SIPA1L1: variants seen among roughly 807,000 people sequenced by gnomAD.
SIPA1L1 encodes signal induced proliferation associated 1 like 1.
Under a neutral mutation model 162.7 loss-of-function variants are expected in SIPA1L1, and 26 were observed. That is an observed-to-expected ratio of 0.16 (90% confidence interval 0.12 to 0.22). SIPA1L1 has a LOEUF of 0.22. Ranked by LOEUF, SIPA1L1 falls within the 10% of genes least tolerant of loss-of-function variation. The probability of loss-of-function intolerance (pLI) is 1.00; values close to 1 mark genes in which losing one functional copy is unlikely to be tolerated. For missense variants in SIPA1L1, 1,874 were observed against 2,241.0 expected (o/e 0.84, Z 3.31); for synonymous variants, 829 against 837.4 (o/e 0.99, Z 0.17).
At chr14:71,571,541 C>T (rs2032020839) in intron 4 of SIPA1L1, among the ~76,000 whole-genome samples, 2 of 152,096 alleles carry the variant, frequency 1.3e-5, no homozygotes, top group Admixed American at 1.3e-4. Context: ...TGCTCAGTTC[C>T]AACAGTAAAA....
chr14:71,465,062 T>G (rs2046891340), intron 2 of SIPA1L1, among the ~76,000 whole-genome samples: 1 of 152,094 alleles, frequency 6.6e-6, no homozygotes, highest in Admixed American at 6.6e-5. Context: ...TGGGTCCAGG[T>G]GGGGATGTTG....
chr14:71,708,015 G>GTTTTTTTT (rs34838057), intron 16 of SIPA1L1, among the ~76,000 whole-genome samples: 5 of 100,298 alleles, frequency 5.0e-5, no homozygotes, highest in African/African-American at 1.2e-4. Flanking sequence ...GTTTTTTGGT[G>GTTTTTTTT]TTTTTTTTTT....
At chr14:71,502,919 GA>G (rs893549725) in intron 2 of SIPA1L1, among the ~76,000 whole-genome samples, 3 of 152,114 alleles carry the variant, frequency 2.0e-5, no homozygotes, top group Non-Finnish European at 4.4e-5. Context: ...TAAATAATCA[GA>G]AAATATTATC....
chr14:71,418,901 A>G (rs893945272), intron 2 of SIPA1L1, among the ~76,000 whole-genome samples: 1 of 152,104 alleles, frequency 6.6e-6, no homozygotes, highest in Non-Finnish European at 1.5e-5. Flanking sequence ...ATCTTTTTGG[A>G]AAAGATTTTT....
chr14:71,526,767 T>TTA lies in SIPA1L1; in HGVS notation c.-361-2541_-361-2540dup, dbSNP rs544251911. 1.2e-4 allele frequency among the ~76,000 whole-genome samples: 18 copies of TTA among 152,324 alleles called. No homozygotes were observed. The East Asian group carries it at 3.5e-3, about 29-fold the overall frequency. On this transcript the variant is annotated intron_variant, in intron 3 of 23. Coordinates refer to ENST00000381232, the MANE Select transcript of SIPA1L1 (RefSeq NM_001386936.1). ...CTGATTCCTGCTCTATAATATTCCA[T>TTA]TATATGAATATTCCACAATTTGTTA...
chr14:71,354,666 G>T (rs2037069913), intron 2 of SIPA1L1, among the ~76,000 whole-genome samples: 1 of 151,834 alleles, frequency 6.6e-6, no homozygotes, highest in Non-Finnish European at 1.5e-5. Flanking sequence ...TTGTAGTAAA[G>T]CTTGAGAGTC....
chr14:71,394,229 T>A (rs1450865216), intron 2 of SIPA1L1, among the ~76,000 whole-genome samples: 1 of 152,242 alleles, frequency 6.6e-6, no homozygotes, highest in Non-Finnish European at 1.5e-5. Flanking sequence ...AGCTTCTGGC[T>A]GATTCTAATC....
intron 17 of SIPA1L1, among the ~76,000 whole-genome samples, chr14:71,710,407 C>T (rs1192862631): frequency 6.6e-6 from 1 of 152,206 alleles, no homozygotes; most frequent in Non-Finnish European, 1.5e-5. Context: ...GCCTGTTGAT[C>T]TCTGTGTGGT....
At chr14:71,692,095 C>G (rs1032171513) in intron 13 of SIPA1L1, among the ~76,000 whole-genome samples, 1 of 152,148 alleles carries the variant, frequency 6.6e-6, no homozygotes, top group Non-Finnish European at 1.5e-5. Context: ...CCTCTACTTT[C>G]CATTTGTGGT....
intron 2 of SIPA1L1, among the ~76,000 whole-genome samples, chr14:71,494,101 A>G (rs772628301): frequency 6.6e-6 from 1 of 152,046 alleles, no homozygotes. Context: ...AGATGCCTTT[A>G]ATTTTTGTTC....
At chr14:71,406,968 G>A (rs61991252) in intron 2 of SIPA1L1, among the ~76,000 whole-genome samples, 3,439 of 152,222 alleles carry the variant, frequency 0.023, 49 homozygotes, top group Non-Finnish European at 0.033. Context: ...GTAGCTGGGC[G>A]CGGTGGCTCA....
intron 2 of SIPA1L1, among the ~76,000 whole-genome samples, chr14:71,359,655 G>C (rs759568735): frequency 2.0e-5 from 3 of 152,096 alleles, no homozygotes; most frequent in Non-Finnish European, 2.9e-5. Context: ...CAGTCCTACT[G>C]GTTGTTTTTT....
Position 71,730,211 on chromosome 14 carries a change from G to A in SIPA1L1, c.4771G>A (p.Asp1591Asn), listed in dbSNP as rs2084638386. The A allele has an allele frequency of 6.2e-7, 1 of 1,614,088 alleles. No homozygotes were observed. Among genetic ancestry groups the A allele is most frequent in the South Asian group, 1.1e-5 (1 of 91,076 alleles). ...ASLLDQALPN[D>N]VLFSSTYPSL... The stretch of plus-strand genomic sequence containing the variant: ...ACTTCTGGACCAAGCCCTGCCCAAC[G>A]ACGTCCTCTTCAGTAGCACGTACCC... The change falls in exon 20 of 24, where the codon GAC (aspartate) becomes AAC (asparagine). Residue 1591 changes from aspartate to asparagine, a missense_variant. Coordinates refer to ENST00000381232, the MANE Select transcript of SIPA1L1 (RefSeq NM_001386936.1).
At chr14:71,480,951 T>G (rs906028204) in intron 2 of SIPA1L1, among the ~76,000 whole-genome samples, 3 of 152,242 alleles carry the variant, frequency 2.0e-5, no homozygotes, top group African/African-American at 7.2e-5. Flanking sequence ...AGTGAGCATT[T>G]TAATACCATA....
chr14:71,424,630 A>G (rs1235747793), intron 2 of SIPA1L1, among the ~76,000 whole-genome samples: 3 of 152,078 alleles, frequency 2.0e-5, no homozygotes, highest in Non-Finnish European at 2.9e-5. Flanking sequence ...CCACTTGGTC[A>G]TGGTGTATAA....
At chr14:71,717,744 T>A (rs1373523230) in intron 17 of SIPA1L1, among the ~76,000 whole-genome samples, 1 of 152,174 alleles carries the variant, frequency 6.6e-6, no homozygotes, top group Non-Finnish European at 1.5e-5. Flanking sequence ...CTCAGGCCAG[T>A]GGGTTGGTCA....
chr14:71,540,375 A>G (rs1358906527), intron 4 of SIPA1L1, among the ~76,000 whole-genome samples: 1 of 152,160 alleles, frequency 6.6e-6, no homozygotes. Flanking sequence ...GTTTTTAGGA[A>G]TTTTGGATTT....
chr14:71,533,399 G>A (rs1300803569), intron 4 of SIPA1L1, among the ~76,000 whole-genome samples: 2 of 151,992 alleles, frequency 1.3e-5, no homozygotes, highest in African/African-American at 2.4e-5. Context: ...CTTTCCCAGC[G>A]CTGTGTCTGC....
rs570467446 is a variant in SIPA1L1, at chr14:71,573,605, G to T, written c.-302-13966G>T. 6.1e-4 allele frequency: 279 copies of T among 456,694 alleles called. 2 individuals carry two copies. The highest frequency in any genetic ancestry group is 8.3e-4 in the Non-Finnish European group (188 of 226,958). 28.3% of individuals were successfully genotyped at this position (456,694 alleles called of 1,614,324 possible). On this transcript the variant is annotated intron_variant, in intron 4 of 23. Transcript: ENST00000381232. Reference sequence around the variant, plus strand: ...GAAGGAGGAAAGATGCCCGAGAGCTGGGCAGAGGAAAATCCCTCCTGCTTT... The same window carrying T: ...GAAGGAGGAAAGATGCCCGAGAGCTTGGCAGAGGAAAATCCCTCCTGCTTT...
Sources: allele counts gnomAD v4.1 joint callset (sites outside exome capture counted in the v4.1 genomes callset), GRCh38; gene constraint gnomAD v4.1.1; transcripts MANE v1.5; gene names NCBI Gene and HGNC (gene_info 2026-07-23, HGNC 2026-07-21).